Variants in UBAC2 observed in about 807,000 individuals in gnomAD.
UBAC2 encodes the protein ubiquitin-associated domain-containing protein 2.
Under a neutral mutation model 44.0 loss-of-function variants are expected in UBAC2, and 26 were observed. That is an observed-to-expected ratio of 0.59 (90% CI 0.43 to 0.82). UBAC2 has a LOEUF of 0.82. UBAC2 is among the 40% of genes least tolerant of loss of function. UBAC2 has a pLI of 0.00. For synonymous variants in UBAC2, 155 were observed against 154.3 expected (o/e 1.00, Z -0.04); for missense variants, 329 against 419.4 (o/e 0.78, Z 1.88).
At chr13:99,375,337 G>GT (rs2045465634) in intron 8 of UBAC2, among the ~76,000 whole-genome samples, 1 of 151,654 alleles carries the variant, frequency 6.6e-6, no homozygotes, top group Non-Finnish European at 1.5e-5. Flanking sequence ...GGAGAGGGGG[G>GT]TGGGGGCTGC....
At chr13:99,303,447 AC>A (rs1252605510) in intron 4 of UBAC2, among the ~76,000 whole-genome samples, 7 of 152,206 alleles carry the variant, frequency 4.6e-5, no homozygotes, top group Non-Finnish European at 8.8e-5. Context: ...GGTAAAAGCC[AC>A]CTATGTGGCT....
In UBAC2 at chr13:99,215,362, C is replaced by T. The variant is rs923038336; in HGVS notation, c.31+14423C>T. 11 of 997,474 alleles carry T rather than the reference C, an allele frequency of 1.1e-5. No homozygotes were observed. In the African/African-American group the frequency reaches 1.3e-4, roughly 11 times the overall value. 61.8% of individuals were successfully genotyped at this position (997,474 alleles called of 1,614,324 possible). On this transcript the variant is annotated intron_variant, in intron 1 of 8. Transcript: ENST00000403766. Reference sequence around the variant, plus strand: ...TAGAGTCCTGAGATAACAAGGAATCCAGGCATACATTAGACAGTCTTCTGT... The same window carrying T: ...TAGAGTCCTGAGATAACAAGGAATCTAGGCATACATTAGACAGTCTTCTGT...
intron 7 of UBAC2, among the ~76,000 whole-genome samples, chr13:99,365,604 A>G (rs1239597877): frequency 6.6e-6 from 1 of 151,714 alleles, no homozygotes; most frequent in Non-Finnish European, 1.5e-5. Flanking sequence ...TTCTCATTTA[A>G]TTGCATTATG....
intron 7 of UBAC2, among the ~76,000 whole-genome samples, chr13:99,364,006 T>C (rs771571146): frequency 1.4e-4 from 22 of 152,212 alleles, no homozygotes; most frequent in Non-Finnish European, 2.5e-4. Context: ...GAGGGAATGT[T>C]ACTTTTTAAT....
chr13:99,225,029 T>C (rs2043095466), intron 1 of UBAC2, among the ~76,000 whole-genome samples: 1 of 152,218 alleles, frequency 6.6e-6, no homozygotes, highest in Non-Finnish European at 1.5e-5. Flanking sequence ...ATGGTAATTA[T>C]CAGATCTGTA....
At chr13:99,246,929 A>G (rs962001818) in intron 4 of UBAC2, among the ~76,000 whole-genome samples, 13 of 152,242 alleles carry the variant, frequency 8.5e-5, no homozygotes, top group Non-Finnish European at 1.8e-4. Context: ...TTTCTCAAAC[A>G]TAGACTTTTT....
intron 1 of UBAC2, among the ~76,000 whole-genome samples, chr13:99,236,774 C>CG (rs1442927153): frequency 2.0e-5 from 3 of 152,032 alleles, no homozygotes; most frequent in African/African-American, 4.8e-5. Flanking sequence ...CACTTGAATC[C>CG]GGGGGGCAGA....
chr13:99,281,790 T>A (rs945221036), intron 4 of UBAC2, among the ~76,000 whole-genome samples: 1 of 152,206 alleles, frequency 6.6e-6, no homozygotes, highest in Middle Eastern at 3.2e-3. Flanking sequence ...TGAATCAAAG[T>A]GGCGTGCAGA....
At chr13:99,340,606 G>C (rs770955574) in intron 7 of UBAC2, 41 bp downstream of exon 7, 1 of 1,589,764 alleles carries the variant, frequency 6.3e-7, no homozygotes, top group Non-Finnish European at 8.6e-7. Flanking sequence ...GAAATTCTCA[G>C]TGGCCCAAGC....
At position 99,370,672 on chromosome 13, in the gene UBAC2, A is replaced by G. The variant is rs138403399; in HGVS notation, c.927+2766A>G. ...AAAGGTGCCCCTGGGCAGGGATCTC[A>G]TAGCCACCCATGGGTAAGGCTGTGA... is the stretch of plus-strand genomic sequence containing the variant. On this transcript the variant is annotated intron_variant, in intron 8 of 8. Transcript: ENST00000403766. Among the ~76,000 whole-genome samples the G allele has an allele frequency of 3.9e-3, 588 of 152,292 alleles. 15 individuals carry two copies. The highest frequency in any genetic ancestry group is 0.031 in the Admixed American group (475 of 15,306).
At chr13:99,345,984 A>T (rs1489711152) in intron 7 of UBAC2, among the ~76,000 whole-genome samples, 1 of 151,780 alleles carries the variant, frequency 6.6e-6, no homozygotes, top group Non-Finnish European at 1.5e-5. Context: ...CTCATGATCC[A>T]CTTGCCTTGG....
chr13:99,382,447 A>G (rs1389480175), intron 8 of UBAC2, among the ~76,000 whole-genome samples: 1 of 152,208 alleles, frequency 6.6e-6, no homozygotes, highest in Non-Finnish European at 1.5e-5. Flanking sequence ...CACACAACAC[A>G]TATGCACACT....
chr13:99,329,275 G>A (rs2044681845), intron 6 of UBAC2, among the ~76,000 whole-genome samples: 1 of 152,026 alleles, frequency 6.6e-6, no homozygotes, highest in Non-Finnish European at 1.5e-5. Context: ...CTTATTTTAG[G>A]ACACTGACTT....
At chr13:99,236,372 C>T (rs1487001471) in intron 1 of UBAC2, among the ~76,000 whole-genome samples, 1 of 152,148 alleles carries the variant, frequency 6.6e-6, no homozygotes, top group Non-Finnish European at 1.5e-5. Flanking sequence ...ATAGCAAAAA[C>T]CCAAATAGTC....
chr13:99,294,926 G>T, intron 4 of UBAC2: 1 of 933,338 alleles, frequency 1.1e-6, no homozygotes, highest in Non-Finnish European at 1.6e-6. Context: ...CCGAGTTGGA[G>T]ATGGGAAAGT....
chr13:99,377,553 A>G (rs1484672975), intron 8 of UBAC2: 1 of 152,214 alleles, frequency 6.6e-6, no homozygotes, highest in African/African-American at 2.4e-5. Flanking sequence ...AGGGAGAGAG[A>G]TGGGCTGACC....
intron 4 of UBAC2, among the ~76,000 whole-genome samples, chr13:99,253,861 A>T (rs993232682): frequency 5.9e-5 from 9 of 152,250 alleles, no homozygotes. Context: ...AAGCCCCAGT[A>T]GGATATGATC....
intron 2 of UBAC2, among the ~76,000 whole-genome samples, chr13:99,239,335 T>C (rs1594034008): frequency 6.6e-6 from 1 of 152,380 alleles, no homozygotes; most frequent in Middle Eastern, 3.4e-3. Flanking sequence ...GTTGCTATAA[T>C]GCAGTCCTTC....
intron 2 of UBAC2, among the ~76,000 whole-genome samples, chr13:99,243,017 A>G (rs2043337962): frequency 6.6e-6 from 1 of 151,994 alleles, no homozygotes; most frequent in Non-Finnish European, 1.5e-5. Flanking sequence ...GACGCTCCTC[A>G]CTTTCCAGAC....
Sources: allele counts gnomAD v4.1 joint callset (sites outside exome capture counted in the v4.1 genomes callset), GRCh38; gene constraint gnomAD v4.1.1; transcripts MANE v1.5; gene names NCBI Gene and HGNC (gene_info 2026-07-23, HGNC 2026-07-21).